The following LDB2 variants were observed in gnomAD, a reference collection of about 807,000 sequenced individuals.
LDB2 encodes LIM domain-binding protein 2.
LDB2 carries 12 observed loss-of-function variants against 44.3 expected under a neutral mutation model. That is an observed-to-expected ratio of 0.27 (90% CI 0.17 to 0.44). LDB2 has a LOEUF of 0.44. LDB2 is among the 20% of genes least tolerant of loss of function. The pLI is 1.00. For missense variants in LDB2, 344 were observed against 473.5 expected, an observed-to-expected ratio of 0.73 and a Z score of 2.54; for synonymous variants, 164 against 174.8, an observed-to-expected ratio of 0.94 and a Z score of 0.49.
At chr4:16,563,421 GTC>G (rs1182510247) in intron 5 of LDB2, among the ~76,000 whole-genome samples, 66 of 118,820 alleles carry the variant, frequency 5.6e-4, no homozygotes, top group African/African-American at 2.1e-3. Flanking sequence ...CATCTCATCA[GTC>G]ATCAGATTTT....
intron 5 of LDB2, among the ~76,000 whole-genome samples, chr4:16,534,724 G>A (rs1347214353): frequency 2.0e-5 from 3 of 152,156 alleles, no homozygotes; most frequent in Non-Finnish European, 4.4e-5. Context: ...CAGTTGAGAT[G>A]CCAAGAAAGA....
At position 16,582,077 on chromosome 4, in the gene LDB2, T is replaced by C. The variant is rs1369037425; in HGVS notation, c.615+3845A>G. On this transcript the variant is annotated intron_variant, in intron 5 of 7. Coordinates refer to ENST00000304523, the MANE Select transcript of LDB2 (RefSeq NM_001290.5). This position sits in a 1 kb window ranked among gnomAD's most constrained non-coding sequence, Gnocchi z 4.8. The stretch of plus-strand genomic sequence containing the variant: ...AAAGAAAGTAAGTCCCTGCAAAGCA[T>C]ATAGCAGCAATGCCTGGCACATAGT... Among the ~76,000 whole-genome samples the C allele has an allele frequency of 6.6e-6, 1 of 151,902 alleles. No homozygotes were observed. Among genetic ancestry groups the C allele is most frequent in the Non-Finnish European group, 1.5e-5 (1 of 67,980 alleles).
Position 16,583,631 on chromosome 4 carries a change from G to T in LDB2, c.615+2291C>A, listed in dbSNP as rs537960163. Among the ~76,000 whole-genome samples, 5 of 152,290 alleles carry T rather than the reference G, an allele frequency of 3.3e-5. No homozygotes were observed. The South Asian group carries it at 1.0e-3, about 32-fold the overall frequency. On this transcript the variant is annotated intron_variant, in intron 5 of 7. Coordinates refer to ENST00000304523, the MANE Select transcript of LDB2 (RefSeq NM_001290.5). ...GTTCTAAATGGAAGAAATGACCTTT[G>T]TCTGTCATTCTCAGTGACCTACCCC...
intron 2 of LDB2, among the ~76,000 whole-genome samples, chr4:16,714,150 C>T (rs757324566): frequency 8.5e-5 from 13 of 152,202 alleles, no homozygotes; most frequent in Non-Finnish European, 1.9e-4. Context: ...CAGTTCCATG[C>T]TAAGAAGTTT....
At chr4:16,881,358 T>C (rs928237199) in intron 1 of LDB2, among the ~76,000 whole-genome samples, 4 of 152,170 alleles carry the variant, frequency 2.6e-5, no homozygotes, top group Non-Finnish European at 5.9e-5. Flanking sequence ...ATCACAGTAG[T>C]GTGTGGCTTA....
chr4:16,595,510 C>T (rs1199676304), intron 3 of LDB2, among the ~76,000 whole-genome samples, 193 bp downstream of exon 3: 2 of 152,126 alleles, frequency 1.3e-5, no homozygotes, highest in African/African-American at 2.4e-5. Context: ...CTCAGAATCT[C>T]ATGCACACAT....
chr4:16,760,588 A>G (rs1767680192), intron 1 of LDB2, among the ~76,000 whole-genome samples: 1 of 152,140 alleles, frequency 6.6e-6, no homozygotes, highest in South Asian at 2.1e-4. Context: ...CCTTTCAGAA[A>G]CAAATATGTA....
intron 1 of LDB2, among the ~76,000 whole-genome samples, chr4:16,798,446 T>C (rs796244337): frequency 2.0e-5 from 3 of 152,260 alleles, no homozygotes; most frequent in African/African-American, 7.2e-5. Flanking sequence ...GAGAAGACTT[T>C]CCAAGAAATA....
At chr4:16,550,234 C>G (rs1239362377) in intron 5 of LDB2, among the ~76,000 whole-genome samples, 1 of 152,218 alleles carries the variant, frequency 6.6e-6, no homozygotes, top group African/African-American at 2.4e-5. Context: ...CTGTAGGAAG[C>G]CTTCTTAGGT....
At chr4:16,549,563 A>G (rs1162842213) in intron 5 of LDB2, among the ~76,000 whole-genome samples, 1 of 152,016 alleles carries the variant, frequency 6.6e-6, no homozygotes, top group Non-Finnish European at 1.5e-5. Flanking sequence ...TGGCCTTCCT[A>G]TTTCTCCCCT....
chr4:16,585,503 T>C (rs569134433), intron 5 of LDB2, among the ~76,000 whole-genome samples: 1 of 152,268 alleles, frequency 6.6e-6, no homozygotes, highest in Non-Finnish European at 1.5e-5. Context: ...CAGCACGGGA[T>C]TGGATTTCTT....
chr4:16,791,569 A>AAAAAAAAAAAAAAAAAAAAAAAAC, intron 1 of LDB2, among the ~76,000 whole-genome samples: 1 of 150,820 alleles, frequency 6.6e-6, no homozygotes, highest in Non-Finnish European at 1.5e-5. Flanking sequence ...AAAAAAAAAA[A>AAAAAAAAAAAAAAAAAAAAAAAAC]AAAGAAAGAC....
At chr4:16,644,418 A>G (rs1736085167) in intron 2 of LDB2, among the ~76,000 whole-genome samples, 1 of 151,226 alleles carries the variant, frequency 6.6e-6, no homozygotes, top group Admixed American at 6.6e-5. Context: ...CACATGAACC[A>G]ATTTTTTTTT....
At chr4:16,657,805 T>G (rs909110504) in intron 2 of LDB2, among the ~76,000 whole-genome samples, 73 of 152,220 alleles carry the variant, frequency 4.8e-4, no homozygotes, top group Admixed American at 1.1e-3. Flanking sequence ...AGATTAGACA[T>G]TTGAGTGTCA....
chr4:16,893,641 TA>T (rs1014782907), intron 1 of LDB2, among the ~76,000 whole-genome samples: 5 of 152,162 alleles, frequency 3.3e-5, no homozygotes, highest in African/African-American at 1.2e-4. Flanking sequence ...CTAAAAACTG[TA>T]ATTCTATAAA....
intron 2 of LDB2, among the ~76,000 whole-genome samples, chr4:16,658,030 GAAAAC>G (rs963905396): frequency 3.9e-5 from 6 of 152,034 alleles, no homozygotes; most frequent in African/African-American, 1.4e-4. Flanking sequence ...CGAGTATATT[GAAAAC>G]AAAACAAAAC....
intron 1 of LDB2, among the ~76,000 whole-genome samples, chr4:16,847,454 G>GA (rs1428584884): frequency 9.9e-5 from 15 of 152,032 alleles, no homozygotes; most frequent in Admixed American, 4.6e-4. Flanking sequence ...CCCAAATTTT[G>GA]AAAAAATTCT....
chr4:16,651,770 A>C lies in LDB2; in HGVS notation c.236-55895T>G, dbSNP rs1738350936. 2.0e-5 allele frequency among the ~76,000 whole-genome samples: 3 copies of C among 152,134 alleles called. No individual in the cohort carries two copies. In the South Asian group the frequency reaches 6.2e-4, roughly 32 times the overall value. On this transcript the variant is annotated intron_variant, in intron 2 of 7. Coordinates refer to ENST00000304523, the MANE Select transcript of LDB2 (RefSeq NM_001290.5). Reference sequence around the variant, plus strand: ...TGTCTTCTTTGTTGGAAAAGGGATCAACATATTCCCTTCCAATAGACTTGG... The same window carrying C: ...TGTCTTCTTTGTTGGAAAAGGGATCCACATATTCCCTTCCAATAGACTTGG...
At chr4:16,695,250 C>G (rs1459764341) in intron 2 of LDB2, among the ~76,000 whole-genome samples, 1 of 152,018 alleles carries the variant, frequency 6.6e-6, no homozygotes, top group African/African-American at 2.4e-5. Context: ...ATAATTATTG[C>G]TCTAGGCGGG....
Sources: gnomAD v4.1 joint callset for allele counts (sites outside exome capture counted in the v4.1 genomes callset) on GRCh38, gnomAD v4.1.1 for gene constraint, Gnocchi (gnomAD v3.1) non-coding constraint, MANE v1.5 for transcripts, NCBI Gene and HGNC (gene_info 2026-07-23, HGNC 2026-07-21) for gene names.